Variants in SERINC1 observed in about 807,000 individuals in gnomAD.
The protein encoded by SERINC1 is serine incorporator 1.
SERINC1 carries 38 observed loss-of-function variants against 52.9 expected under a neutral mutation model. The observed-to-expected ratio is 0.72, with a 90% CI of 0.55 to 0.94. The LOEUF is 0.94. SERINC1 is among the 40% of genes least tolerant of loss of function. SERINC1 has a pLI of 0.00. For missense variants in SERINC1, 471 were observed against 533.9 expected (o/e 0.88, Z 1.16); for synonymous variants, 198 against 183.1 (o/e 1.08, Z -0.66).
chr6:122,458,240 C>T (rs564083617), intron 2 of SERINC1, among the ~76,000 whole-genome samples: 1 of 152,228 alleles, frequency 6.6e-6, no homozygotes, highest in Admixed American at 6.5e-5. Flanking sequence ...TCTAATCATT[C>T]TTAGAACATC....
intron 7 of SERINC1, among the ~76,000 whole-genome samples, chr6:122,449,440 G>A (rs966658544): frequency 1.3e-5 from 2 of 152,208 alleles, no homozygotes; most frequent in African/African-American, 4.8e-5. Context: ...TGCTGATATG[G>A]AGGAGAAAGT....
chr6:122,470,131 G>T (rs1775254094), intron 1 of SERINC1, among the ~76,000 whole-genome samples: 1 of 152,180 alleles, frequency 6.6e-6, no homozygotes, highest in Admixed American at 6.5e-5. Flanking sequence ...TTACACTTAA[G>T]CCCAGCAGTT....
intron 1 of SERINC1, among the ~76,000 whole-genome samples, chr6:122,470,435 T>C (rs1305928742): frequency 6.6e-6 from 1 of 152,200 alleles, no homozygotes; most frequent in Non-Finnish European, 1.5e-5. Context: ...ACAAATTGAA[T>C]TGCATAACAT....
Position 122,471,685 on chromosome 6 carries a change from A to G in SERINC1, c.39+14T>C, listed in dbSNP as rs950209090. 6.2e-7 allele frequency: 1 copy of G among 1,613,976 alleles called. No individual in the cohort carries two copies. Among genetic ancestry groups the G allele is most frequent in the Non-Finnish European group, 8.5e-7 (1 of 1,179,992 alleles). The stretch of plus-strand genomic sequence containing the variant: ...CTCACACTAGCACCCCAGAGGCCGC[A>G]AAAAGCACCTTACCCAGCTCGCCAT... On this transcript the variant is annotated intron_variant, in intron 1 of 9. Coordinates refer to ENST00000339697, the MANE Select transcript of SERINC1 (RefSeq NM_020755.4).
At chr6:122,447,092 A>C in intron 8 of SERINC1, 29 bp downstream of exon 8, 1 of 1,597,748 alleles carries the variant, frequency 6.3e-7, no homozygotes, top group African/African-American at 1.3e-5. Context: ...CTTCTTGTTT[A>C]AAGAAAAAAA....
chr6:122,466,365 A>C (rs2114491002), intron 1 of SERINC1, among the ~76,000 whole-genome samples: 1 of 152,240 alleles, frequency 6.6e-6, no homozygotes, highest in South Asian at 2.1e-4. Context: ...AGGCTTTACT[A>C]GAGTGCAGTG....
chr6:122,469,028 T>C (rs1775230802), intron 1 of SERINC1, among the ~76,000 whole-genome samples: 1 of 152,096 alleles, frequency 6.6e-6, no homozygotes, highest in Non-Finnish European at 1.5e-5. Flanking sequence ...TTATAATGTT[T>C]AAAGTAATTA....
At chr6:122,456,168 T>A (rs1256429507) in intron 3 of SERINC1, among the ~76,000 whole-genome samples, 4 of 152,146 alleles carry the variant, frequency 2.6e-5, no homozygotes, top group Admixed American at 6.5e-5. Flanking sequence ...TCTATGTAAG[T>A]GGACTGGTCC....
intron 3 of SERINC1, 45 bp downstream of exon 3, chr6:122,456,436 A>G: frequency 8.0e-7 from 1 of 1,249,312 alleles, no homozygotes; most frequent in Non-Finnish European, 1.1e-6. Context: ...ATTATCAAGA[A>G]GAGGCTACCC....
chr6:122,445,901 G>A (rs763457896), intron 9 of SERINC1, among the ~76,000 whole-genome samples: 8,992 of 75,982 alleles, frequency 0.12, 52 homozygotes, highest in South Asian at 0.14. Context: ...AAAAAAAAAA[G>A]AACCAGCTGG....
chr6:122,447,548 GGT>G (rs949950842), intron 7 of SERINC1, among the ~76,000 whole-genome samples: 18 of 152,240 alleles, frequency 1.2e-4, no homozygotes, highest in Non-Finnish European at 2.1e-4. Context: ...TCAGGAAAGA[GGT>G]GAAATATAGA....
chr6:122,453,190 G>A (rs1774940953), intron 5 of SERINC1, among the ~76,000 whole-genome samples: 1 of 152,050 alleles, frequency 6.6e-6, no homozygotes, highest in South Asian at 2.1e-4. Context: ...TTGTTACCTG[G>A]TTTGGCCCTG....
Position 122,471,724 on chromosome 6 carries a change from A to T in SERINC1, c.14T>A (p.Leu5Gln). The change falls in exon 1 of 10, where the codon CTG becomes CAG. Residue 5 changes from leucine (L) to glutamine (Q), a missense_variant. Physicochemically the swap from Leu to Gln is moderately radical, Grantham distance 113. Coordinates refer to ENST00000339697, the MANE Select transcript of SERINC1 (RefSeq NM_020755.4). The part of the protein sequence containing the change: MGSV[L>Q]GLCSMASWIP... ...CCAGCTCGCCATGGAGCACAGCCCC[A>T]GGACGCTCCCCATCTCCACAACGTC... 1 of 1,614,184 alleles carries T rather than the reference A, an allele frequency of 6.2e-7. No homozygotes were observed. The highest frequency in any genetic ancestry group is 8.5e-7 in the Non-Finnish European group (1 of 1,180,008).
chr6:122,454,045 CACACA>C, intron 4 of SERINC1, 101 bp downstream of exon 4: 3 of 1,130,014 alleles, frequency 2.7e-6, no homozygotes, highest in Non-Finnish European at 3.8e-6. Context: ...AACACACACA[CACACA>C]CCCCCAAACA....
At position 122,456,600 on chromosome 6, in the gene SERINC1, C is replaced by A. The variant is rs775252069; in HGVS notation, c.252G>T (p.Leu84Phe). The change falls in exon 3 of 10, where the codon TTG becomes TTT. Residue 84 changes from leucine to phenylalanine, a missense_variant. Leu to Phe is a conservative substitution (Grantham distance 22). Coordinates refer to ENST00000339697, the MANE Select transcript of SERINC1 (RefSeq NM_020755.4). ...NEKGVVPCNI[L>F]VGYKAVYRLC... ...AACGATATACAGCTTTATAGCCAAC[C>A]AAAATGTTACAAGGGACAACACCTT... 3.7e-6 allele frequency: 6 copies of A among 1,611,684 alleles called. No homozygotes were observed. In the African/African-American group the frequency reaches 8.0e-5, roughly 22 times the overall value.
intron 9 of SERINC1, among the ~76,000 whole-genome samples, chr6:122,445,968 A>G (rs1774791062): frequency 6.6e-6 from 1 of 151,710 alleles, no homozygotes; most frequent in Non-Finnish European, 1.5e-5. Flanking sequence ...ATACTTTTCA[A>G]TAATAAAAAT....
Position 122,444,105 on chromosome 6 carries a change from C to T in SERINC1, c.*939G>A, listed in dbSNP as rs957066767. Reference sequence around the variant, plus strand: ...TGCCTCCTGGGCTCAAGCAATCCTCCCACCTCAGCCTCCTCAGTAGCTGGG... The same window carrying T: ...TGCCTCCTGGGCTCAAGCAATCCTCTCACCTCAGCCTCCTCAGTAGCTGGG... On this transcript the variant is annotated 3_prime_UTR_variant, in exon 10 of 10. Transcript: ENST00000339697. 2.0e-5 allele frequency: 3 copies of T among 152,504 alleles called. No individual in the cohort carries two copies. The highest frequency in any genetic ancestry group is 7.2e-5 in the African/African-American group (3 of 41,388). The allele number at this position is 152,504 out of a possible 1,614,324, so 9.4% of individuals were successfully genotyped here.
chr6:122,454,209 A>G lies in SERINC1; in HGVS notation c.393T>C (p.Ala131=). The G allele has an allele frequency of 6.3e-7, 1 of 1,584,926 alleles. No homozygotes were observed. ...VHNGFWFFKF[A]AAIAIIIGAF... ...CCCCAATAATAATTGCAATTGCTGC[A>G]GCAAATTTAAAGAACCAAAATCTAA... Residue 131 remains alanine, a synonymous_variant, in exon 4 of 10, where the codon GCT becomes GCC. Transcript: ENST00000339697.
intron 2 of SERINC1, among the ~76,000 whole-genome samples, chr6:122,457,339 T>A (rs533112619): frequency 6.6e-6 from 1 of 152,342 alleles, no homozygotes; most frequent in East Asian, 1.9e-4. Flanking sequence ...TCACTCTGAA[T>A]GATCTTCAGC....
Sources: gnomAD v4.1 joint callset for allele counts (sites outside exome capture counted in the v4.1 genomes callset) on GRCh38, gnomAD v4.1.1 for gene constraint, MANE v1.5 for transcripts, NCBI Gene and HGNC (gene_info 2026-07-23, HGNC 2026-07-21) for gene names.